Variants in TENM3 observed in about 807,000 individuals in gnomAD.
The protein encoded by TENM3 is teneurin-3.
Under a neutral mutation model 255.1 loss-of-function variants are expected in TENM3, and 63 were observed. That is an observed-to-expected ratio of 0.25 (90% CI 0.20 to 0.30). The LOEUF (loss-of-function observed/expected upper bound fraction) is 0.30, where lower values mean the gene tolerates loss of function less well. Among genes scored for constraint, TENM3 ranks in the 10% least tolerant of loss-of-function variants. TENM3 has a pLI of 1.00. For missense variants in TENM3, 2,929 were observed against 3,461.1 expected, an observed-to-expected ratio of 0.85 and a Z score of 3.86; for synonymous variants, 1,306 against 1,322.3, an observed-to-expected ratio of 0.99 and a Z score of 0.27.
At chr4:182,156,862 TG>T (rs1398902238) in intron 1 of TENM3, among the ~76,000 whole-genome samples, 1 of 152,168 alleles carries the variant, frequency 6.6e-6, no homozygotes, top group Non-Finnish European at 1.5e-5. Flanking sequence ...GGCTGTGTCC[TG>T]GGAAAGATGA....
intron 13 of TENM3, among the ~76,000 whole-genome samples, chr4:182,727,211 T>G (rs1165321233): frequency 6.6e-6 from 1 of 152,108 alleles, no homozygotes; most frequent in Non-Finnish European, 1.5e-5. Context: ...ATCCCAGCAC[T>G]TTGAGAGGCC....
At chr4:182,611,611 C>T (rs1037394200) in intron 4 of TENM3, among the ~76,000 whole-genome samples, 1 of 151,970 alleles carries the variant, frequency 6.6e-6, no homozygotes, top group African/African-American at 2.4e-5. Context: ...GTTAGCAGAC[C>T]TTTAAGCAGT....
chr4:182,130,831 A>C, the TENM3 span, among the ~76,000 whole-genome samples: 1 of 152,160 alleles, frequency 6.6e-6, no homozygotes, highest in Non-Finnish European at 1.5e-5. Context: ...AACTAGAAGA[A>C]AATAATTGGT....
chr4:182,666,546 G>A (rs4530678), intron 6 of TENM3, among the ~76,000 whole-genome samples: 36,426 of 152,084 alleles, frequency 0.24, 4,632 homozygotes, highest in Admixed American at 0.39. Flanking sequence ...TTGATCAGAT[G>A]ATCGGTAGCA....
chr4:181,981,201 G>A, the TENM3 span, among the ~76,000 whole-genome samples: 1 of 151,932 alleles, frequency 6.6e-6, no homozygotes, highest in Admixed American at 6.6e-5. Flanking sequence ...ACAGCTGACG[G>A]GCTGTCTCGT....
At chr4:182,007,312 T>C in the TENM3 span, among the ~76,000 whole-genome samples, 1 of 151,996 alleles carries the variant, frequency 6.6e-6, no homozygotes, top group Non-Finnish European at 1.5e-5. Context: ...GATCTAATAC[T>C]GACAGTGGGG....
intron 3 of TENM3, among the ~76,000 whole-genome samples, chr4:182,348,930 G>A (rs539156827): frequency 5.4e-4 from 82 of 152,288 alleles, no homozygotes; most frequent in Admixed American, 1.8e-3. Context: ...TTAACTAGAG[G>A]AGGAAATTGT....
chr4:182,240,864 G>A (rs1757208812), upstream of TENM3, among the ~76,000 whole-genome samples: 2 of 152,208 alleles, frequency 1.3e-5, no homozygotes, highest in Admixed American at 1.3e-4. Context: ...AGGGCTTTGA[G>A]ACCAGCCTGC....
At chr4:182,211,821 T>G (rs1275660758) in intron 1 of TENM3, among the ~76,000 whole-genome samples, 1 of 152,204 alleles carries the variant, frequency 6.6e-6, no homozygotes, top group Non-Finnish European at 1.5e-5. Context: ...AATTGATCTT[T>G]TACTTACCGT....
At chr4:181,681,465 G>A in the TENM3 span, among the ~76,000 whole-genome samples, 7 of 152,054 alleles carry the variant, frequency 4.6e-5, no homozygotes, top group Admixed American at 6.6e-5. Context: ...TCAGTGGGCC[G>A]TGATTTCCTG....
At chr4:182,356,653 T>A (rs1036416639) in intron 3 of TENM3, among the ~76,000 whole-genome samples, 5 of 151,844 alleles carry the variant, frequency 3.3e-5, no homozygotes, top group African/African-American at 1.2e-4. Flanking sequence ...GTCCTTGGAG[T>A]ATGAATGTGG....
chr4:181,819,712 A>C, the TENM3 span, among the ~76,000 whole-genome samples: 2 of 152,174 alleles, frequency 1.3e-5, no homozygotes, highest in Non-Finnish European at 2.9e-5. Flanking sequence ...TCCCATGTGG[A>C]GTTCACGATA....
the TENM3 span, among the ~76,000 whole-genome samples, chr4:181,770,650 G>A: frequency 2.2e-5 from 3 of 137,850 alleles, no homozygotes; most frequent in Admixed American, 8.1e-5. Flanking sequence ...ACTCCAGCCT[G>A]GGCAACAGAG....
intron 5 of TENM3, among the ~76,000 whole-genome samples, chr4:182,640,711 A>C (rs528151459): frequency 7.5e-4 from 114 of 152,302 alleles, no homozygotes; most frequent in African/African-American, 2.6e-3. Flanking sequence ...CAGTGTGGGC[A>C]AGTCTCCCAG....
chr4:181,903,427 C>T, the TENM3 span, among the ~76,000 whole-genome samples: 1 of 152,150 alleles, frequency 6.6e-6, no homozygotes. Context: ...ACAGCTGATG[C>T]CTTTGACTGT....
the TENM3 span, among the ~76,000 whole-genome samples, chr4:181,557,158 C>T: frequency 1.3e-5 from 2 of 152,148 alleles, no homozygotes; most frequent in Admixed American, 1.3e-4. Flanking sequence ...CAGAACATAA[C>T]AGGCTCATAG....
chr4:181,463,449 C>G, the TENM3 span, among the ~76,000 whole-genome samples: 1 of 152,194 alleles, frequency 6.6e-6, no homozygotes, highest in African/African-American at 2.4e-5. Flanking sequence ...GGCTTACTTA[C>G]AGCCCTACCC....
At chr4:181,740,151 T>G in the TENM3 span, among the ~76,000 whole-genome samples, 1 of 152,160 alleles carries the variant, frequency 6.6e-6, no homozygotes, top group African/African-American at 2.4e-5. Context: ...TCCATGAAAT[T>G]TAATAAACCA....
intron 3 of TENM3, among the ~76,000 whole-genome samples, chr4:182,498,466 G>A (rs949943462): frequency 3.9e-5 from 6 of 152,006 alleles, no homozygotes; most frequent in Non-Finnish European, 7.4e-5. Context: ...AGGTTTCACC[G>A]AGATGGTACC....
Sources: gnomAD v4.1 joint callset for allele counts (sites outside exome capture counted in the v4.1 genomes callset) on GRCh38, gnomAD v4.1.1 for gene constraint, MANE v1.5 for transcripts, NCBI Gene and HGNC (gene_info 2026-07-23, HGNC 2026-07-21) for gene names.